Variants in FHDC1 observed in about 807,000 individuals in gnomAD.
FHDC1 encodes FH2 domain-containing protein 1.
A neutral mutation model predicts 52.6 loss-of-function variants in FHDC1; 25 were observed. The ratio of observed to expected loss-of-function variants is 0.48; its 90% CI spans 0.35 to 0.66. The LOEUF (loss-of-function observed/expected upper bound fraction) is 0.66. Among genes scored for constraint, FHDC1 ranks in the 30% least tolerant of loss-of-function variants. FHDC1 has a pLI of 0.01. For synonymous variants in FHDC1, 616 were observed against 581.5 expected (o/e 1.06, Z -0.85); for missense variants, 1,459 against 1,452.8 (o/e 1.00, Z -0.07).
rs570835927 is a variant in FHDC1 at position 152,976,533 on chromosome 4, A to C, written c.3242A>C (p.Lys1081Thr). The C allele has an allele frequency of 3.1e-5, 50 of 1,613,164 alleles. No homozygotes were observed. The African/African-American group carries it at 6.3e-4, about 20-fold the overall frequency. ...VKGDPEDAAP[K>T]DSSTLRRASS... ...GGGGACCCCGAGGATGCCGCTCCCA[A>C]GGACAGCAGCACTTTGAGGCGAGCC... The change falls in exon 12 of 12, where the codon AAG becomes ACG. Residue 1081 changes from lysine (K) to threonine (T), a missense_variant. By Grantham distance (78) the Lys-to-Thr change is moderately conservative (BLOSUM62 -1). Coordinates refer to ENST00000511601, the MANE Select transcript of FHDC1 (RefSeq NM_001371116.1).
rs768639500 is a variant in FHDC1 at position 152,960,656 on chromosome 4, G to A, written c.749+6G>A. On this transcript the variant is annotated splice_donor_region_variant and intron_variant, in intron 5 of 11. Coordinates refer to ENST00000511601, the MANE Select transcript of FHDC1 (RefSeq NM_001371116.1). ...GGCTTAATTCAGGTGCCAAAGTAAGGATACAGTCGCTGGTTATTATTCTTC... is the reference window on the plus strand; with the variant it reads ...GGCTTAATTCAGGTGCCAAAGTAAGAATACAGTCGCTGGTTATTATTCTTC... 1 of 1,614,010 alleles carries A rather than the reference G, an allele frequency of 6.2e-7. No homozygotes were observed. Among genetic ancestry groups the A allele is most frequent in the Non-Finnish European group, 8.5e-7 (1 of 1,179,966 alleles).
intron 4 of FHDC1, among the ~76,000 whole-genome samples, chr4:152,954,974 A>G (rs1740039441): frequency 1.3e-5 from 2 of 152,208 alleles, no homozygotes; most frequent in African/African-American, 4.8e-5. Context: ...TAATGCATCT[A>G]ACATGGCACT....
chr4:152,921,461 A>G, the FHDC1 span, among the ~76,000 whole-genome samples: 4 of 152,036 alleles, frequency 2.6e-5, no homozygotes, highest in Admixed American at 6.6e-5. Context: ...TTATCATTTA[A>G]TGTTATTTCC....
At chr4:152,954,546 G>A (rs1178156170) in intron 4 of FHDC1, among the ~76,000 whole-genome samples, 2 of 152,070 alleles carry the variant, frequency 1.3e-5, no homozygotes, top group Non-Finnish European at 2.9e-5. Flanking sequence ...AATTAGCCCG[G>A]TGTGGTGGCA....
chr4:152,927,314 A>C, the FHDC1 span: 31 of 647,482 alleles, frequency 4.8e-5, no homozygotes, highest in East Asian at 7.5e-4. Flanking sequence ...AATTTGTCAA[A>C]GGTCAGGGGA....
At chr4:152,971,374 G>A (rs1223380126) in intron 10 of FHDC1, among the ~76,000 whole-genome samples, 1 of 152,172 alleles carries the variant, frequency 6.6e-6, no homozygotes, top group Non-Finnish European at 1.5e-5. Context: ...TAAGACTTCA[G>A]TGTGATTCCA....
rs371530011 is a variant in FHDC1 at position 152,975,955 on chromosome 4, C to A, written c.2664C>A (p.Ala888=). Residue 888 remains alanine, a synonymous_variant, in exon 12 of 12, where the codon GCC becomes GCA. Transcript: ENST00000511601. ...CCCGGCGGAGCCAGGGGGCAGTGGC[C>A]AAGTCTGTGCGGACCCTGACCGCCT... ...GSARRSQGAV[A]KSVRTLTASE... 3 of 1,517,556 alleles carry A rather than the reference C, an allele frequency of 2.0e-6. No homozygotes were observed. The highest frequency in any genetic ancestry group is 2.6e-6 in the Non-Finnish European group (3 of 1,135,506). 94.0% of individuals were successfully genotyped at this position (1,517,556 alleles called of 1,614,324 possible).
chr4:152,912,869 C>T, the FHDC1 span, among the ~76,000 whole-genome samples: 1 of 152,116 alleles, frequency 6.6e-6, no homozygotes. Context: ...TCTGGGTTTG[C>T]AAAAGCAATT....
At chr4:152,933,761 A>G (rs1739295477), upstream of FHDC1, among the ~76,000 whole-genome samples, 1 of 151,684 alleles carries the variant, frequency 6.6e-6, no homozygotes, top group Non-Finnish European at 1.5e-5. Context: ...AGTCAAAATA[A>G]GCATGACATA....
At chr4:152,937,447 A>G (rs908521) in intron 1 of FHDC1, among the ~76,000 whole-genome samples, 95,038 of 151,636 alleles carry the variant, frequency 0.63, 29,958 homozygotes, top group Admixed American at 0.72. Flanking sequence ...TGGCGTGGGG[A>G]GCGTGGGCTT....
At position 152,962,975 on chromosome 4, in the gene FHDC1, G is replaced by GTGTGTGTA. The variant is rs775269266; in HGVS notation, c.922-44_922-37dup. ...TGTGTGTGTGTGTGTGTGTGTGTGT[G>GTGTGTGTA]TGTGTGTATGTATACATAATTTTTT... On this transcript the variant is annotated intron_variant, in intron 7 of 11. Coordinates refer to ENST00000511601, the MANE Select transcript of FHDC1 (RefSeq NM_001371116.1). 2.8e-6 allele frequency: 4 copies of GTGTGTGTA among 1,445,932 alleles called. No homozygotes were observed. The Admixed American group carries it at 6.9e-5, about 25-fold the overall frequency. 89.6% of individuals were successfully genotyped at this position (1,445,932 alleles called of 1,614,324 possible).
At chr4:152,957,279 C>T (rs757705911) in intron 4 of FHDC1, among the ~76,000 whole-genome samples, 1 of 152,186 alleles carries the variant, frequency 6.6e-6, no homozygotes, top group Non-Finnish European at 1.5e-5. Context: ...ACTGACTGGA[C>T]AGGGCAGAAT....
chr4:152,920,139 G>C, the FHDC1 span, among the ~76,000 whole-genome samples: 1 of 151,632 alleles, frequency 6.6e-6, no homozygotes, highest in African/African-American at 2.4e-5. Flanking sequence ...GTAGAGACAG[G>C]GTTTCACCAT....
intron 6 of FHDC1, 72 bp downstream of exon 6, chr4:152,960,916 A>C: frequency 9.0e-7 from 1 of 1,117,168 alleles, no homozygotes; most frequent in Non-Finnish European, 1.3e-6. Context: ...AAAAAGCCAA[A>C]TGAAATTGGA....
the FHDC1 span, among the ~76,000 whole-genome samples, chr4:152,928,935 T>G: frequency 6.6e-6 from 1 of 151,924 alleles, no homozygotes; most frequent in Admixed American, 6.6e-5. Flanking sequence ...TTTATGTTTG[T>G]TTTTGAAATA....
intron 4 of FHDC1, among the ~76,000 whole-genome samples, chr4:152,960,239 C>G (rs1412473466): frequency 6.6e-6 from 1 of 152,040 alleles, no homozygotes; most frequent in African/African-American, 2.4e-5. Context: ...AATTTTCATC[C>G]TTAGAACTGA....
At position 152,954,219 on chromosome 4, in the gene FHDC1, C is replaced by T. The variant is rs1429084859; in HGVS notation, c.563C>T (p.Ser188Phe). The T allele has an allele frequency of 6.2e-7, 1 of 1,612,754 alleles. No individual in the cohort carries two copies. The highest frequency in any genetic ancestry group is 1.3e-5 in the African/African-American group (1 of 74,852). The stretch of plus-strand genomic sequence containing the variant: ...ATGTGATTCATTGTCTTTTCAAGGT[C>T]TCCTCGGTCCATTGTAGAAGATATT... Reference protein sequence around the residue: ...IGIFLKQFKKSPRSIVEDIHQ... With the variant: ...IGIFLKQFKKFPRSIVEDIHQ... Residue 188 changes from serine to phenylalanine, a missense_variant and splice_region_variant, in exon 4 of 12, where the codon TCT becomes TTT. Ser to Phe is a radical substitution (Grantham distance 155). Transcript: ENST00000511601.
chr4:152,935,365 C>T (rs1339834397), upstream of FHDC1, among the ~76,000 whole-genome samples: 1 of 152,094 alleles, frequency 6.6e-6, no homozygotes, highest in African/African-American at 2.4e-5. Context: ...GAGGGCGCCT[C>T]CCTACCCCGA....
intron 2 of FHDC1, among the ~76,000 whole-genome samples, chr4:152,948,052 AT>A (rs530009435): frequency 6.6e-5 from 10 of 151,610 alleles, no homozygotes; most frequent in African/African-American, 2.2e-4. Flanking sequence ...CTGGATTTTC[AT>A]TTTTTTTTCC....
Sources: gnomAD v4.1 joint callset for allele counts (sites outside exome capture counted in the v4.1 genomes callset) on GRCh38, gnomAD v4.1.1 for gene constraint, MANE v1.5 for transcripts, NCBI Gene and HGNC (gene_info 2026-07-23, HGNC 2026-07-21) for gene names.